WNK2: variants seen among roughly 807,000 people sequenced by gnomAD.
WNK2 encodes the protein WNK lysine deficient protein kinase 2, also known as serine/threonine-protein kinase WNK2.
In WNK2, 67 loss-of-function variants were observed where a neutral mutation model predicts 192.1. The ratio of observed to expected loss-of-function variants is 0.35; its 90% CI spans 0.29 to 0.43. WNK2 has a LOEUF of 0.43. Among genes scored for constraint, WNK2 ranks in the 20% least tolerant of loss-of-function variants. The pLI, the probability that WNK2 is intolerant of heterozygous loss-of-function variation, is 1.00. For missense variants in WNK2, 2,698 were observed against 3,089.7 expected (o/e 0.87, Z 3.01); for synonymous variants, 1,439 against 1,393.9 (o/e 1.03, Z -0.72).
chr9:93,293,227 T>TC, intron 23 of WNK2, 54 bp downstream of exon 23: 1 of 1,392,870 alleles, frequency 7.2e-7, no homozygotes, highest in Non-Finnish European at 9.3e-7. Flanking sequence ...TGGCACCCCT[T>TC]CCCAGTTGTG....
At chr9:93,308,633 G>C (rs748726411) in intron 28 of WNK2, 49 bp downstream of exon 28, 1 of 1,504,222 alleles carries the variant, frequency 6.6e-7, no homozygotes, top group East Asian at 2.5e-5. Flanking sequence ...GGGTAGCCTT[G>C]CCTCCAGCAT....
intron 7 of WNK2, among the ~76,000 whole-genome samples, chr9:93,246,584 T>C (rs1841740903): frequency 6.6e-6 from 1 of 152,250 alleles, no homozygotes; most frequent in Non-Finnish European, 1.5e-5. Flanking sequence ...TGGCGTCCAC[T>C]ATCCCTAATA....
At chr9:93,269,241 A>T (rs1263191128) in intron 19 of WNK2, among the ~76,000 whole-genome samples, 2 of 152,122 alleles carry the variant, frequency 1.3e-5, no homozygotes, top group African/African-American at 4.8e-5. Context: ...TACAGATGCC[A>T]ACAAGCCCGT....
At chr9:93,237,857 CTTT>C (rs35498888) in intron 5 of WNK2, among the ~76,000 whole-genome samples, 9 of 144,150 alleles carry the variant, frequency 6.2e-5, no homozygotes, top group Admixed American at 7.0e-5. Flanking sequence ...ACTTGGGGCT[CTTT>C]TTTTTTTTTT....
chr9:93,194,516 C>G (rs1446463394), intron 2 of WNK2, among the ~76,000 whole-genome samples: 2 of 152,214 alleles, frequency 1.3e-5, no homozygotes, highest in East Asian at 1.9e-4. Flanking sequence ...GCTCCCACTG[C>G]ACACCTACTA....
intron 26 of WNK2, among the ~76,000 whole-genome samples, chr9:93,302,314 A>G (rs1851745593): frequency 6.6e-6 from 1 of 151,930 alleles, no homozygotes; most frequent in Admixed American, 6.6e-5. Context: ...GGGTAGTGTG[A>G]GCAGATGGGC....
At chr9:93,288,493 TACAGAAGAC>T (rs1848780218) in intron 19 of WNK2, among the ~76,000 whole-genome samples, 1 of 152,200 alleles carries the variant, frequency 6.6e-6, no homozygotes, top group Non-Finnish European at 1.5e-5. Context: ...GGTCACACGC[TACAGAAGAC>T]ACAGAAGGAA....
At chr9:93,199,041 C>G (rs1416685388) in intron 2 of WNK2, among the ~76,000 whole-genome samples, 1 of 152,216 alleles carries the variant, frequency 6.6e-6, no homozygotes, top group Non-Finnish European at 1.5e-5. Flanking sequence ...CAGCTGGACC[C>G]AGGTTCCCAC....
intron 2 of WNK2, among the ~76,000 whole-genome samples, chr9:93,198,365 A>G (rs1831659545): frequency 6.6e-6 from 1 of 152,198 alleles, no homozygotes; most frequent in South Asian, 2.1e-4. Flanking sequence ...GCTTGCTGGC[A>G]GGAGGAGGCT....
At chr9:93,212,432 T>G (rs1834966581) in intron 2 of WNK2, among the ~76,000 whole-genome samples, 1 of 152,162 alleles carries the variant, frequency 6.6e-6, no homozygotes, top group Non-Finnish European at 1.5e-5. Context: ...GACAGATGAC[T>G]ACTCACCCTG....
chr9:93,306,644 C>T, intron 26 of WNK2, 133 bp from the exon 27 acceptor site: 1 of 1,183,076 alleles, frequency 8.5e-7, no homozygotes, highest in Non-Finnish European at 1.3e-6. Context: ...CCGGGTCGGC[C>T]CTCTCTCTGA....
At chr9:93,300,568 C>T (rs561200004) in intron 26 of WNK2, among the ~76,000 whole-genome samples, 10 of 152,108 alleles carry the variant, frequency 6.6e-5, no homozygotes, top group African/African-American at 1.4e-4. Context: ...CCAGTTCCAG[C>T]GACAACAAAA....
intron 2 of WNK2, among the ~76,000 whole-genome samples, chr9:93,206,067 C>T (rs148971139): frequency 3.5e-4 from 53 of 152,292 alleles, no homozygotes; most frequent in African/African-American, 1.2e-3. Context: ...CTCCTGCCCA[C>T]GGCCCATTTT....
Position 93,308,735 on chromosome 9 carries a change from C to T in WNK2, c.6516+151C>T, listed in dbSNP as rs1021749506. 7 of 1,386,404 alleles carry T rather than the reference C, an allele frequency of 5.0e-6. No homozygotes were observed. In the Admixed American group the frequency reaches 1.9e-4, roughly 39 times the overall value. 85.9% of individuals were successfully genotyped at this position (1,386,404 alleles called of 1,614,324 possible). A position where few individuals can be genotyped will look rare whatever the true frequency, so the allele number is the denominator to read the frequency against. ...TCTCCCCACAGCCCCAAGAACTAGG[C>T]TTGTCCACTTTACAGATTGGGAGGT... is the stretch of plus-strand genomic sequence containing the variant. On this transcript the variant is annotated intron_variant, in intron 28 of 29. Coordinates refer to ENST00000427277, the MANE Select transcript of WNK2 (RefSeq NM_006648.4).
At chr9:93,246,024 G>A (rs1412140013) in intron 7 of WNK2, among the ~76,000 whole-genome samples, 1 of 152,156 alleles carries the variant, frequency 6.6e-6, no homozygotes, top group East Asian at 1.9e-4. Context: ...GGAGAGATGG[G>A]GATAGAGAGG....
At chr9:93,214,702 C>CA (rs1045931445) in intron 2 of WNK2, among the ~76,000 whole-genome samples, 3 of 101,294 alleles carry the variant, frequency 3.0e-5, no homozygotes, top group Non-Finnish European at 4.1e-5. Context: ...GTAGTGCCCC[C>CA]CCCCCCCCCG....
intron 4 of WNK2, among the ~76,000 whole-genome samples, chr9:93,231,740 C>T (rs1012885471): frequency 1.3e-4 from 20 of 152,220 alleles, no homozygotes; most frequent in East Asian, 1.9e-4. Flanking sequence ...TCAGTACAGA[C>T]GCCCTCCTGT....
intron 25 of WNK2, among the ~76,000 whole-genome samples, chr9:93,299,688 C>T (rs1224733241): frequency 7.2e-5 from 11 of 152,148 alleles, no homozygotes. Context: ...GCACAGCTTT[C>T]GAGCTGGGAG....
At position 93,227,809 on chromosome 9, in the gene WNK2, G is replaced by A. The variant is rs544570087; in HGVS notation, c.682-1887G>A. Among the ~76,000 whole-genome samples, 7 of 152,244 alleles carry A rather than the reference G, an allele frequency of 4.6e-5. 1 individual carries two copies. The highest frequency in any genetic ancestry group is 1.3e-4 in the Admixed American group (2 of 15,292). On this transcript the variant is annotated intron_variant, in intron 2 of 29. Coordinates refer to ENST00000427277, the MANE Select transcript of WNK2 (RefSeq NM_006648.4). ...GCCACCGCACCTGGCTTAAAGAATC[G>A]TTTTTGATGAGTAGAACATGTTTCC...
Sources: allele counts gnomAD v4.1 joint callset (sites outside exome capture counted in the v4.1 genomes callset), GRCh38; gene constraint gnomAD v4.1.1; transcripts MANE v1.5; gene names NCBI Gene and HGNC (gene_info 2026-07-23, HGNC 2026-07-21).